Variants in UIMC1 observed in about 807,000 individuals in gnomAD.
UIMC1 encodes the protein BRCA1-A complex subunit RAP80.
UIMC1 carries 42 observed loss-of-function variants against 84.9 expected under a neutral mutation model. The ratio of observed to expected loss-of-function variants is 0.49; its 90% CI spans 0.39 to 0.64. The LOEUF (loss-of-function observed/expected upper bound fraction) is 0.64, where lower values mean the gene tolerates loss of function less well. UIMC1 is among the 30% of genes least tolerant of loss of function. UIMC1 has a pLI of 0.00. For synonymous variants in UIMC1, 281 were observed against 293.0 expected, an observed-to-expected ratio of 0.96 and a Z score of 0.42; for missense variants, 825 against 847.6, an observed-to-expected ratio of 0.97 and a Z score of 0.33.
At chr5:176,928,709 T>A (rs1280142512) in intron 10 of UIMC1, among the ~76,000 whole-genome samples, 1 of 152,158 alleles carries the variant, frequency 6.6e-6, no homozygotes, top group Non-Finnish European at 1.5e-5. Flanking sequence ...CCCAGCACTT[T>A]GGGAGGCTGA....
chr5:176,969,657 G>C lies in UIMC1; in HGVS notation c.407C>G (p.Thr136Ser). ...ASATRSRPLA[T>S]GPSSQSHQEK... ...TTGATGGGACTGGGAAGACGGTCCA[G>C]TGGCCAGAGGTCGAGATCTGGTAGC... Residue 136 changes from threonine to serine, a missense_variant, in exon 5 of 15, where the codon ACT (threonine) becomes AGT (serine). Transcript: ENST00000511320. 2.5e-6 allele frequency: 4 copies of C among 1,614,150 alleles called. No individual in the cohort carries two copies. Among genetic ancestry groups the C allele is most frequent in the Non-Finnish European group, 2.5e-6 (3 of 1,180,036 alleles).
At chr5:176,939,042 C>T (rs569499556) in intron 10 of UIMC1, among the ~76,000 whole-genome samples, 1 of 151,676 alleles carries the variant, frequency 6.6e-6, no homozygotes, top group South Asian at 2.1e-4. Context: ...TGCTTGGGCC[C>T]AGGAGTTCAA....
At chr5:176,907,425 C>CA in intron 12 of UIMC1, 1 of 381,898 alleles carries the variant, frequency 2.6e-6, no homozygotes, top group Non-Finnish European at 4.9e-6. Flanking sequence ...GTAGTGTCTA[C>CA]AGGCAGTGAT....
intron 9 of UIMC1, among the ~76,000 whole-genome samples, chr5:176,948,135 T>C (rs1020429134): frequency 6.6e-6 from 1 of 152,182 alleles, no homozygotes; most frequent in Non-Finnish European, 1.5e-5. Context: ...ATAACTTCTA[T>C]TAGCTCCTCT....
rs6149367 is a variant in UIMC1, at chr5:177,013,361, A to AACACACACACACAC, written c.-9+9089_-9+9102dup. Among the ~76,000 whole-genome samples the AACACACACACACAC allele has an allele frequency of 2.0e-3, 271 of 137,800 alleles. 1 individual carries two copies. Among genetic ancestry groups the AACACACACACACAC allele is most frequent in the African/African-American group, 6.5e-3 (241 of 36,882 alleles). The allele number at this position is 137,800 out of a possible 152,430, so 90.4% of individuals were successfully genotyped here. On this transcript the variant is annotated intron_variant, in intron 1 of 5. Coordinates refer to the UIMC1 transcript ENST00000509236. ...GGACAACAGAGCAAGACTGCATCCA[A>AACACACACACACAC]ACACACACACACACACACACACACA...
At chr5:176,977,686 G>T (rs10476208) in intron 2 of UIMC1, among the ~76,000 whole-genome samples, 14,688 of 151,594 alleles carry the variant, frequency 0.097, 1,492 homozygotes, top group African/African-American at 0.26. Flanking sequence ...AAGCTGGGTG[G>T]ATCACCTGAG....
chr5:176,930,676 T>C (rs1211466361), intron 10 of UIMC1, among the ~76,000 whole-genome samples: 1 of 152,240 alleles, frequency 6.6e-6, no homozygotes, highest in Non-Finnish European at 1.5e-5. Context: ...TTATCAAGCA[T>C]TTCCTTTATA....
chr5:176,977,747 T>C (rs1770356719), intron 2 of UIMC1, among the ~76,000 whole-genome samples: 1 of 151,574 alleles, frequency 6.6e-6, no homozygotes, highest in Admixed American at 6.6e-5. Context: ...CCCTCTCTAC[T>C]AAAAATACAA....
At chr5:177,011,340 G>A (rs1024061773), upstream of UIMC1, among the ~76,000 whole-genome samples, 5 of 152,170 alleles carry the variant, frequency 3.3e-5, no homozygotes, top group African/African-American at 9.7e-5. Context: ...AGGAGTTCAA[G>A]GATGTAGTAC....
At chr5:176,983,997 G>A (rs1256525812) in intron 1 of UIMC1, among the ~76,000 whole-genome samples, 86 of 144,240 alleles carry the variant, frequency 6.0e-4, no homozygotes, top group Non-Finnish European at 9.5e-4. Flanking sequence ...CCTCTGCCCG[G>A]CCGCCCCGTC....
At chr5:176,931,372 A>T (rs965595984) in intron 10 of UIMC1, among the ~76,000 whole-genome samples, 1 of 152,180 alleles carries the variant, frequency 6.6e-6, no homozygotes, top group Non-Finnish European at 1.5e-5. Context: ...TTGGGTATTA[A>T]CTCAGGTGTT....
chr5:176,937,368 G>A (rs1427735250), intron 10 of UIMC1, among the ~76,000 whole-genome samples: 1 of 152,110 alleles, frequency 6.6e-6, no homozygotes, highest in Non-Finnish European at 1.5e-5. Flanking sequence ...GGTAGCAGGC[G>A]CCTGTAGTCC....
intron 10 of UIMC1, among the ~76,000 whole-genome samples, chr5:176,932,391 T>C (rs1763203546): frequency 6.6e-6 from 1 of 152,216 alleles, no homozygotes; most frequent in Admixed American, 6.5e-5. Flanking sequence ...GTATTATTTG[T>C]GAAAGTTAAA....
At chr5:176,951,356 C>T (rs895068829) in intron 9 of UIMC1, 118 bp downstream of exon 9, 2 of 635,536 alleles carry the variant, frequency 3.1e-6, no homozygotes, top group Non-Finnish European at 5.1e-6. Flanking sequence ...ACATAAGGGC[C>T]CCCAAAACTA....
chr5:176,963,157 T>TAAAAAAAAAAAAAAAAAAA (rs70991588), intron 6 of UIMC1, among the ~76,000 whole-genome samples: 1 of 13,964 alleles, frequency 7.2e-5, no homozygotes, highest in Non-Finnish European at 1.1e-4. Flanking sequence ...AAAAATAAAT[T>TAAAAAAAAAAAAAAAAAAA]AAAAAAAAAA....
chr5:176,992,148 G>C (rs1772961695), intron 1 of UIMC1, among the ~76,000 whole-genome samples: 1 of 152,082 alleles, frequency 6.6e-6, no homozygotes, highest in African/African-American at 2.4e-5. Context: ...TTAATACTTA[G>C]AGAACTGCCA....
chr5:176,985,284 T>C (rs1771791740), intron 1 of UIMC1, among the ~76,000 whole-genome samples: 1 of 151,882 alleles, frequency 6.6e-6, no homozygotes, highest in South Asian at 2.1e-4. Context: ...GGTGAAACCC[T>C]GTCTCTACTA....
intron 1 of UIMC1, among the ~76,000 whole-genome samples, chr5:177,019,789 G>A (rs1775747955): frequency 6.6e-6 from 1 of 151,916 alleles, no homozygotes; most frequent in Non-Finnish European, 1.5e-5. Flanking sequence ...AAACATAGCT[G>A]GGTATAGTGA....
upstream of UIMC1, among the ~76,000 whole-genome samples, chr5:177,011,398 A>G (rs147810496): frequency 4.7e-4 from 71 of 152,180 alleles, 1 homozygote; most frequent in East Asian, 8.9e-3. Flanking sequence ...CCTGGGCAAC[A>G]TAGTGAGACT....
Sources: allele counts gnomAD v4.1 joint callset (sites outside exome capture counted in the v4.1 genomes callset), GRCh38; gene constraint gnomAD v4.1.1; transcripts MANE v1.5; gene names NCBI Gene and HGNC (gene_info 2026-07-23, HGNC 2026-07-21).